PHEX: variants seen among roughly 807,000 people sequenced by gnomAD.
PHEX encodes the protein phosphate-regulating neutral endopeptidase PHEX.
In PHEX, 16 loss-of-function variants were observed where a neutral mutation model predicts 68.0. The ratio of observed to expected loss-of-function variants is 0.24; its 90% confidence interval spans 0.16 to 0.36. The LOEUF (loss-of-function observed/expected upper bound fraction) is 0.36. Ranked by LOEUF, PHEX falls within the 10% of genes least tolerant of loss-of-function variation. PHEX has a pLI of 1.00. For missense variants in PHEX, 480 were observed against 575.5 expected (o/e 0.83, Z 1.70); for synonymous variants, 208 against 205.1 (o/e 1.01, Z -0.12).
intron 16 of PHEX, among the ~76,000 whole-genome samples, chrX:22,214,961 A>G (rs1035161493): frequency 9.0e-6 from 1 of 111,644 alleles, no homozygotes; most frequent in Non-Finnish European, 1.9e-5. Flanking sequence ...ATATATATAT[A>G]TCTAAAAAAT....
intron 6 of PHEX, among the ~76,000 whole-genome samples, chrX:22,091,153 G>A (rs1199316889): frequency 9.0e-6 from 1 of 111,600 alleles, no homozygotes. Context: ...TCAGACCTAG[G>A]TCCCCTGGGT....
chrX:22,054,696 C>T (rs1455743693), intron 3 of PHEX, among the ~76,000 whole-genome samples: 1 of 111,697 alleles, frequency 9.0e-6, no homozygotes, highest in Non-Finnish European at 1.9e-5. Flanking sequence ...TATATCACCA[C>T]AGTCCTATAT....
intron 13 of PHEX, among the ~76,000 whole-genome samples, chrX:22,176,400 AAAATAT>A (rs1402795271): frequency 4.8e-5 from 3 of 62,540 alleles, no homozygotes; most frequent in Admixed American, 3.1e-4. Context: ...AAAAAAAAAA[AAAATAT>A]ATATATATAT....
chrX:22,126,040 T>G (rs1315181812), intron 11 of PHEX, among the ~76,000 whole-genome samples: 1 of 112,220 alleles, frequency 8.9e-6, no homozygotes, highest in Non-Finnish European at 1.9e-5. Flanking sequence ...CAGCTTGTAT[T>G]TACTGAGCAT....
Position 22,057,116 on chromosome X carries a change from C to T in PHEX, c.349+9905C>T, listed in dbSNP as rs991591449. Among the ~76,000 whole-genome samples, 5 of 111,865 alleles carry T rather than the reference C, an allele frequency of 4.5e-5. No homozygotes were observed. The Admixed American group carries it at 4.7e-4, about 11-fold the overall frequency. On this transcript the variant is annotated intron_variant, in intron 3 of 21. Transcript: ENST00000379374. Reference sequence around the variant, plus strand: ...AAGGCAAATAGGATATACCATTAAACATCTCACCTGTTTCTTTTTACTTAT... The same window carrying T: ...AAGGCAAATAGGATATACCATTAAATATCTCACCTGTTTCTTTTTACTTAT...
At chrX:22,089,511 C>T (rs1256887676) in intron 5 of PHEX, among the ~76,000 whole-genome samples, 2 of 109,045 alleles carry the variant, frequency 1.8e-5, no homozygotes, top group African/African-American at 6.7e-5. Context: ...GCCTCCATCT[C>T]CCAGGTTCAA....
chrX:22,242,057 C>T (rs1936226171), intron 20 of PHEX, among the ~76,000 whole-genome samples: 1 of 111,863 alleles, frequency 8.9e-6, no homozygotes, highest in African/African-American at 3.3e-5. Context: ...AATCCAGTGG[C>T]ACATCAAAAA....
chrX:22,042,501 T>G (rs1364173498), intron 2 of PHEX, among the ~76,000 whole-genome samples: 1 of 112,430 alleles, frequency 8.9e-6, no homozygotes, highest in Non-Finnish European at 1.9e-5. Flanking sequence ...AAAATAATAA[T>G]GGACTGGGCA....
intron 15 of PHEX, among the ~76,000 whole-genome samples, chrX:22,207,655 T>A (rs1440722264): frequency 2.7e-5 from 3 of 111,330 alleles, no homozygotes; most frequent in Non-Finnish European, 5.7e-5. Flanking sequence ...CATACTGTTG[T>A]CATCATACAA....
chrX:22,032,939 C>T lies in PHEX; in HGVS notation c.-67C>T. On this transcript the variant is annotated 5_prime_UTR_variant, in exon 1 of 22. Coordinates refer to ENST00000379374, the MANE Select transcript of PHEX (RefSeq NM_000444.6). ...GAAAGCCTTGGATGTCAACGCCTCG[C>T]TCTTGAGACCAGCCACCAAACCACG... 1 of 820,550 alleles carries T rather than the reference C, an allele frequency of 1.2e-6. No individual in the cohort carries two copies. The highest frequency in any genetic ancestry group is 1.9e-6 in the Non-Finnish European group (1 of 538,669). 67.6% of individuals were successfully genotyped at this position (820,550 alleles called of 1,213,427 possible).
intron 12 of PHEX, among the ~76,000 whole-genome samples, chrX:22,149,154 C>T (rs1260816322): frequency 8.9e-6 from 1 of 112,146 alleles, no homozygotes; most frequent in Non-Finnish European, 1.9e-5. Context: ...AAAGGTGATG[C>T]TCCACTCTGT....
At chrX:22,040,387 G>C in intron 2 of PHEX, among the ~76,000 whole-genome samples, 1 of 111,693 alleles carries the variant, frequency 9.0e-6, no homozygotes, top group Non-Finnish European at 1.9e-5. Flanking sequence ...CGTGCCTTTA[G>C]TTCCAGCCAC....
chrX:22,204,253 T>C (rs1934642201), intron 15 of PHEX, among the ~76,000 whole-genome samples: 1 of 111,184 alleles, frequency 9.0e-6, no homozygotes. Context: ...AGACCAAGAT[T>C]TGATCACCAG....
chrX:22,061,696 G>A (rs1928371942), intron 3 of PHEX, among the ~76,000 whole-genome samples: 1 of 111,380 alleles, frequency 9.0e-6, no homozygotes, highest in Non-Finnish European at 1.9e-5. Context: ...ACTAGCCCAA[G>A]GTCACACGGC....
At chrX:22,109,250 A>G (rs951574397) in intron 9 of PHEX, among the ~76,000 whole-genome samples, 1 of 112,188 alleles carries the variant, frequency 8.9e-6, no homozygotes, top group African/African-American at 3.2e-5. Flanking sequence ...TTTTTGAAAT[A>G]GTCAAGAAGA....
chrX:22,177,535 A>G lies in PHEX; in HGVS notation c.1483-738A>G, dbSNP rs754606511. On this transcript the variant is annotated intron_variant, in intron 13 of 21. Transcript: ENST00000379374. ...GAAACCGTCTGCCATTCTCCTTCCA[A>G]AACAAGGAAAGGAACTAAAAAAGCA... Among the ~76,000 whole-genome samples, 24 of 111,587 alleles carry G rather than the reference A, an allele frequency of 2.2e-4. No individual in the cohort carries two copies. In the South Asian group the frequency reaches 8.7e-3, roughly 40 times the overall value.
intron 12 of PHEX, among the ~76,000 whole-genome samples, chrX:22,139,386 T>C (rs781775476): frequency 8.9e-6 from 1 of 112,226 alleles, no homozygotes; most frequent in Non-Finnish European, 1.9e-5. Flanking sequence ...ATTTTGGATT[T>C]TGTGGTTTTG....
intron 3 of PHEX, among the ~76,000 whole-genome samples, chrX:22,070,228 C>T (rs1928837984): frequency 8.9e-6 from 1 of 111,816 alleles, no homozygotes; most frequent in Non-Finnish European, 1.9e-5. Flanking sequence ...GATGTGGAAG[C>T]TTAAAGTATA....
intron 20 of PHEX, among the ~76,000 whole-genome samples, chrX:22,232,816 C>T (rs188332896): frequency 2.7e-5 from 3 of 109,163 alleles, no homozygotes; most frequent in African/African-American, 6.7e-5. Context: ...AATATTGTTA[C>T]GTGTGAATTT....
Sources: gnomAD v4.1 joint callset for allele counts (sites outside exome capture counted in the v4.1 genomes callset) on GRCh38, gnomAD v4.1.1 for gene constraint, MANE v1.5 for transcripts, NCBI Gene and HGNC (gene_info 2026-07-23, HGNC 2026-07-21) for gene names.